The following CADM2 variants were observed in gnomAD, a reference collection of about 807,000 sequenced individuals.
CADM2 encodes cell adhesion molecule 2.
CADM2 carries 12 observed loss-of-function variants against 49.8 expected under a neutral mutation model. The ratio of observed to expected loss-of-function variants is 0.24; its 90% CI spans 0.15 to 0.39. The LOEUF (loss-of-function observed/expected upper bound fraction) is 0.39, where lower values mean the gene tolerates loss of function less well. Among genes scored for constraint, CADM2 ranks in the 10% least tolerant of loss-of-function variants. CADM2 has a pLI of 1.00. For missense variants in CADM2, 378 were observed against 492.3 expected, an observed-to-expected ratio of 0.77 and a Z score of 2.20; for synonymous variants, 214 against 175.4, an observed-to-expected ratio of 1.22 and a Z score of -1.74.
intron 5 of CADM2, among the ~76,000 whole-genome samples, chr3:85,901,214 AAAAC>A (rs1477573333): frequency 6.6e-6 from 1 of 152,154 alleles, no homozygotes; most frequent in Non-Finnish European, 1.5e-5. Context: ...AAACAAAGCA[AAAAC>A]AAACAAACAT....
intron 2 of CADM2, among the ~76,000 whole-genome samples, chr3:85,757,954 G>A (rs75435301): frequency 2.0e-4 from 30 of 152,264 alleles, no homozygotes; most frequent in African/African-American, 7.0e-4. Flanking sequence ...TCGCCAGGGT[G>A]TGCAGAGGAT....
At chr3:85,759,307 C>T (rs2069263996) in intron 2 of CADM2, among the ~76,000 whole-genome samples, 1 of 152,084 alleles carries the variant, frequency 6.6e-6, no homozygotes, top group East Asian at 1.9e-4. Flanking sequence ...AAATTTCAAG[C>T]ATAGAATGAA....
chr3:85,405,702 T>A (rs2035338781), intron 1 of CADM2, among the ~76,000 whole-genome samples: 1 of 151,882 alleles, frequency 6.6e-6, no homozygotes. Flanking sequence ...AGCTCCTAGT[T>A]TTTTTTTAAA....
At chr3:86,062,009 A>C (rs1170115629) in intron 8 of CADM2, among the ~76,000 whole-genome samples, 1 of 151,942 alleles carries the variant, frequency 6.6e-6, no homozygotes, top group South Asian at 2.1e-4. Context: ...GAATTTGTAC[A>C]ATTTTTTGGC....
chr3:85,359,909 G>A (rs2032229643), intron 1 of CADM2, among the ~76,000 whole-genome samples: 2 of 150,950 alleles, frequency 1.3e-5, no homozygotes, highest in Admixed American at 1.3e-4. Flanking sequence ...CTATCAGGCA[G>A]ATTATCAAAT....
In CADM2 at chr3:85,853,112, C is replaced by T. The variant is rs887245505; in HGVS notation, c.239-30179C>T. Among the ~76,000 whole-genome samples the T allele has an allele frequency of 3.9e-5, 6 of 152,158 alleles. No homozygotes were observed. The East Asian group carries it at 1.2e-3, about 29-fold the overall frequency. Reference sequence around the variant, plus strand: ...TTAAACAATCTTTCTTAAAAAAATTCTTTCCCTGCCAGCATTGTCATTAGA... The same window carrying T: ...TTAAACAATCTTTCTTAAAAAAATTTTTTCCCTGCCAGCATTGTCATTAGA... On this transcript the variant is annotated intron_variant, in intron 3 of 9. Transcript: ENST00000383699.
chr3:85,218,993 G>C (rs77813427), intron 1 of CADM2, among the ~76,000 whole-genome samples: 1 of 151,964 alleles, frequency 6.6e-6, no homozygotes, highest in African/African-American at 2.4e-5. Flanking sequence ...TGATTGCCTC[G>C]CATATCATGA....
At chr3:85,224,331 T>A (rs1192734975) in intron 1 of CADM2, among the ~76,000 whole-genome samples, 1 of 152,200 alleles carries the variant, frequency 6.6e-6, no homozygotes, top group African/African-American at 2.4e-5. Flanking sequence ...GGTTTTGATG[T>A]GCATTTCTCT....
intron 2 of CADM2, among the ~76,000 whole-genome samples, chr3:85,753,602 G>C (rs1162832072): frequency 2.0e-5 from 3 of 152,138 alleles, no homozygotes; most frequent in Admixed American, 2.0e-4. Flanking sequence ...ACCTTCTCAA[G>C]TACAGCTCTA....
At chr3:85,026,455 G>A (rs1400319371) in intron 1 of CADM2, among the ~76,000 whole-genome samples, 1 of 152,114 alleles carries the variant, frequency 6.6e-6, no homozygotes, top group Non-Finnish European at 1.5e-5. Context: ...GCAGAATAAA[G>A]CAAGTTTCCA....
chr3:85,121,998 C>T (rs1321524740), intron 1 of CADM2, among the ~76,000 whole-genome samples: 2 of 152,006 alleles, frequency 1.3e-5, no homozygotes, highest in Non-Finnish European at 2.9e-5. Context: ...CGAGTCCAAT[C>T]TTTTCACTTT....
chr3:85,318,788 G>T (rs1444844482), intron 1 of CADM2, among the ~76,000 whole-genome samples: 1 of 152,170 alleles, frequency 6.6e-6, no homozygotes, highest in Admixed American at 6.5e-5. Context: ...GTAGAATGAT[G>T]CAGAGTGCTA....
At chr3:85,707,185 T>C (rs1355914701) in intron 1 of CADM2, among the ~76,000 whole-genome samples, 1 of 151,992 alleles carries the variant, frequency 6.6e-6, no homozygotes, top group Non-Finnish European at 1.5e-5. Context: ...TATCTATGAT[T>C]CTTTACCAAA....
intron 1 of CADM2, among the ~76,000 whole-genome samples, chr3:84,969,907 A>C (rs547936194): frequency 3.9e-5 from 6 of 152,032 alleles, no homozygotes; most frequent in Non-Finnish European, 8.8e-5. Flanking sequence ...AATATTCCTG[A>C]TGATGACTTT....
chr3:85,851,527 T>C (rs2075109010), intron 3 of CADM2, among the ~76,000 whole-genome samples: 2 of 151,662 alleles, frequency 1.3e-5, no homozygotes, highest in South Asian at 4.2e-4. Context: ...AAAAATGTTT[T>C]TATTGTATTA....
chr3:85,436,472 G>C (rs563323858), intron 1 of CADM2, among the ~76,000 whole-genome samples: 4 of 152,062 alleles, frequency 2.6e-5, no homozygotes, highest in Non-Finnish European at 2.9e-5. Context: ...GTGAGAGAGA[G>C]CATCCTTGTC....
At chr3:85,865,600 T>A (rs976160320) in intron 3 of CADM2, among the ~76,000 whole-genome samples, 8 of 152,194 alleles carry the variant, frequency 5.3e-5, no homozygotes, top group African/African-American at 1.9e-4. Context: ...TTTTTGAAAA[T>A]TTTACATGTG....
intron 8 of CADM2, among the ~76,000 whole-genome samples, chr3:85,977,780 A>G (rs904353262): frequency 7.9e-5 from 12 of 151,568 alleles, no homozygotes; most frequent in Non-Finnish European, 3.0e-5. Flanking sequence ...ACTGAGTTTT[A>G]AGAAGGTTGT....
intron 1 of CADM2, among the ~76,000 whole-genome samples, chr3:85,187,691 T>C (rs2041097960): frequency 6.6e-6 from 1 of 152,096 alleles, no homozygotes; most frequent in Non-Finnish European, 1.5e-5. Context: ...GTTTATTAAA[T>C]GTCAACGTGG....
Sources: allele counts gnomAD v4.1 joint callset (sites outside exome capture counted in the v4.1 genomes callset), GRCh38; gene constraint gnomAD v4.1.1; transcripts MANE v1.5; gene names NCBI Gene and HGNC (gene_info 2026-07-23, HGNC 2026-07-21).